Variants in PEDS1 observed in about 807,000 individuals in gnomAD.
PEDS1 encodes the protein CarF homolog.
In PEDS1, 14 loss-of-function variants were observed where a neutral mutation model predicts 35.2. The observed-to-expected ratio is 0.40, with a 90% CI of 0.26 to 0.62. The LOEUF (loss-of-function observed/expected upper bound fraction) is 0.62. Among genes scored for constraint, PEDS1 ranks in the 20% least tolerant of loss-of-function variants. The pLI is 0.44. For missense variants in PEDS1, 260 were observed against 367.8 expected, an observed-to-expected ratio of 0.71 and a Z score of 2.40; for synonymous variants, 152 against 152.0, an observed-to-expected ratio of 1.00 and a Z score of 0.00.
intron 1 of PEDS1, among the ~76,000 whole-genome samples, chr20:50,148,846 C>T (rs1475578958): frequency 6.6e-6 from 1 of 152,140 alleles, no homozygotes; most frequent in Non-Finnish European, 1.5e-5. Context: ...TGCCGCGGCT[C>T]ATGCCTGTAA....
Position 50,153,499 on chromosome 20 carries a change from G to C in PEDS1, c.121+18C>G, listed in dbSNP as rs1431498951. The C allele has an allele frequency of 1.5e-6, 2 of 1,351,504 alleles. No individual in the cohort carries two copies. Among genetic ancestry groups the C allele is most frequent in the Admixed American group, 6.5e-5 (2 of 30,840 alleles). The allele number at this position is 1,351,504 out of a possible 1,614,324, so 83.7% of individuals were successfully genotyped here. A position where few individuals can be genotyped will look rare whatever the true frequency, so the allele number is the denominator to read the frequency against. ...GGGCTGGTGACCGCAGGCCTGGAGG[G>C]GGGCCCAGAGGTCTTACCTGGCGAG... On this transcript the variant is annotated intron_variant, in intron 1 of 5. Coordinates refer to ENST00000371652, the MANE Select transcript of PEDS1 (RefSeq NM_199129.4).
chr20:50,127,680 G>A (rs2081123850), intron 5 of PEDS1, among the ~76,000 whole-genome samples: 1 of 152,146 alleles, frequency 6.6e-6, no homozygotes, highest in Non-Finnish European at 1.5e-5. Context: ...AGGAGCCTAC[G>A]CCCAAAGCAC....
At chr20:50,151,176 G>A in intron 1 of PEDS1, 2 of 1,193,486 alleles carry the variant, frequency 1.7e-6, no homozygotes, top group South Asian at 1.3e-5. Flanking sequence ...TGGAAAGGAA[G>A]TTGGAGAAAC....
Position 50,124,810 on chromosome 20 carries a change from G to C in PEDS1, c.*248C>G, listed in dbSNP as rs777046985. ...ACCTCCTCTCTACCAGGGGAGGCTG[G>C]CAGAGTCAGGCTTGCAGATAGAGCA... On this transcript the variant is annotated 3_prime_UTR_variant, in exon 6 of 6. Coordinates refer to ENST00000371652, the MANE Select transcript of PEDS1 (RefSeq NM_199129.4). The C allele has an allele frequency of 7.1e-6, 3 of 424,648 alleles. No individual in the cohort carries two copies. Among genetic ancestry groups the C allele is most frequent in the African/African-American group, 2.0e-5 (1 of 49,812 alleles). 26.3% of individuals were successfully genotyped at this position (424,648 alleles called of 1,614,324 possible).
intron 1 of PEDS1, among the ~76,000 whole-genome samples, chr20:50,145,000 C>T (rs1354715962): frequency 2.0e-5 from 3 of 151,516 alleles, no homozygotes; most frequent in African/African-American, 7.3e-5. Context: ...ACTAGGAGTT[C>T]GAGACCAGCC....
chr20:50,127,831 G>A, intron 5 of PEDS1, 144 bp downstream of exon 5: 1 of 1,164,958 alleles, frequency 8.6e-7, no homozygotes, highest in Non-Finnish European at 1.2e-6. Context: ...CACAGTAGGT[G>A]CTCAATAAAT....
Position 50,129,482 on chromosome 20 carries a change from C to T in PEDS1, c.478+64G>A. 1 of 1,604,898 alleles carries T rather than the reference C, an allele frequency of 6.2e-7. No homozygotes were observed. On this transcript the variant is annotated intron_variant, in intron 4 of 5. Transcript: ENST00000371652. The surrounding 1 kb of genome is among the most constrained non-coding windows in gnomAD (Gnocchi z 4.2). ...AGCCAAACACATAAGCCCCAGAAGG[C>T]TCCTGGGGGTCGGCCTCTGCCCCCA... is the stretch of plus-strand genomic sequence containing the variant.
chr20:50,118,826 A>G lies in PEDS1; in HGVS notation c.*6232T>C, dbSNP rs2081027595. On this transcript the variant is annotated 3_prime_UTR_variant, in exon 6 of 6. Transcript: ENST00000371652. The stretch of plus-strand genomic sequence containing the variant: ...TTTTTGGTAGAGACGGGGTTTCACT[A>G]TGTTGGCCAGGCTGGTCTTGAATTC... The G allele has an allele frequency of 6.6e-6, 1 of 151,962 alleles. No individual in the cohort carries two copies. The highest frequency in any genetic ancestry group is 1.5e-5 in the Non-Finnish European group (1 of 68,000). The allele number at this position is 151,962 out of a possible 1,614,324, so 9.4% of individuals were successfully genotyped here.
At chr20:50,149,626 TG>T (rs1230554688) in intron 1 of PEDS1, among the ~76,000 whole-genome samples, 3 of 152,150 alleles carry the variant, frequency 2.0e-5, no homozygotes, top group African/African-American at 7.2e-5. Context: ...AATCAGGCTG[TG>T]GCCGCCTCCC....
Position 50,119,055 on chromosome 20 carries a change from T to C in PEDS1, c.*6003A>G, listed in dbSNP as rs1433125021. 6.6e-6 allele frequency: 1 copy of C among 152,160 alleles called. No individual in the cohort carries two copies. Among genetic ancestry groups the C allele is most frequent in the African/African-American group, 2.4e-5 (1 of 41,436 alleles). The allele number at this position is 152,160 out of a possible 1,614,324, so 9.4% of individuals were successfully genotyped here. A position where few individuals can be genotyped will look rare whatever the true frequency, so the allele number is the denominator to read the frequency against. On this transcript the variant is annotated 3_prime_UTR_variant, in exon 6 of 6. Transcript: ENST00000371652. ...CAAAACATTTGATAACACGCTGTGT[T>C]GGCAAGGGTGTGAGGAAACAGGGAC...
At chr20:50,135,489 T>A (rs2081224503) in intron 2 of PEDS1, among the ~76,000 whole-genome samples, 1 of 151,600 alleles carries the variant, frequency 6.6e-6, no homozygotes, top group Non-Finnish European at 1.5e-5. Context: ...AGAAACCCTG[T>A]CTCTACTAAA....
At chr20:50,127,824 A>C in intron 5 of PEDS1, 151 bp downstream of exon 5, 1 of 1,106,040 alleles carries the variant, frequency 9.0e-7, no homozygotes, top group Non-Finnish European at 1.3e-6. Flanking sequence ...CCTGGCACAC[A>C]GTAGGTGCTC....
chr20:50,153,564 C>A lies in PEDS1; in HGVS notation c.74G>T (p.Gly25Val). Residue 25 changes from glycine (G) to valine (V), a missense_variant, in exon 1 of 6, where the codon GGC becomes GTC. Coordinates refer to ENST00000371652, the MANE Select transcript of PEDS1 (RefSeq NM_199129.4). ...CTCGCGGGCCCCGGCGTGCTGCGCG[C>A]CCCAGCGGCAACAAGACGCCTCGTC... ...DEDEASCCRW[G>V]AQHAGARELA... is the part of the protein sequence containing the mutation. 7.0e-7 allele frequency: 1 copy of A among 1,435,910 alleles called. No individual in the cohort carries two copies. The highest frequency in any genetic ancestry group is 1.4e-5 in the South Asian group (1 of 73,942). 88.9% of individuals were successfully genotyped at this position (1,435,910 alleles called of 1,614,324 possible).
At chr20:50,141,116 G>A (rs1470603016) in intron 2 of PEDS1, among the ~76,000 whole-genome samples, 4 of 152,166 alleles carry the variant, frequency 2.6e-5, no homozygotes, top group African/African-American at 7.2e-5. Context: ...CTTTACCCCC[G>A]TAGAGGCCTG....
At chr20:50,141,174 T>C (rs557346431) in intron 2 of PEDS1, among the ~76,000 whole-genome samples, 1 of 152,250 alleles carries the variant, frequency 6.6e-6, no homozygotes, top group South Asian at 2.1e-4. Flanking sequence ...CACGCCCTGG[T>C]GGGGAAGTCC....
At position 50,153,643 on chromosome 20, in the gene PEDS1, C is replaced by G; in HGVS notation, c.-6G>C. The stretch of plus-strand genomic sequence containing the variant: ...CAGTTCTCGGCGCCCGCCATGGCCA[C>G]TCGCCCGATCGGCCCGGTGCGCTCT... On this transcript the variant is annotated 5_prime_UTR_variant, in exon 1 of 6. Transcript: ENST00000371652. 1 of 1,246,784 alleles carries G rather than the reference C, an allele frequency of 8.0e-7. No homozygotes were observed. The highest frequency in any genetic ancestry group is 1.0e-6 in the Non-Finnish European group (1 of 994,192). 77.2% of individuals were successfully genotyped at this position (1,246,784 alleles called of 1,614,324 possible). A position where few individuals can be genotyped will look rare whatever the true frequency, so the allele number is the denominator to read the frequency against.
Position 50,128,253 on chromosome 20 carries a change from G to A in PEDS1, c.479-66C>T. On this transcript the variant is annotated intron_variant, in intron 4 of 5. Transcript: ENST00000371652. This position sits in a 1 kb window ranked among gnomAD's most constrained non-coding sequence, Gnocchi z 5.2. ...CGGGACGGGGAACCCACCCCAAATG[G>A]CCCTCACCACCTGCTCCTGGGCGGC... 6.3e-7 allele frequency: 1 copy of A among 1,585,382 alleles called. No individual in the cohort carries two copies. Among genetic ancestry groups the A allele is most frequent in the Non-Finnish European group, 8.6e-7 (1 of 1,164,704 alleles).
chr20:50,148,497 C>A (rs2081368867), intron 1 of PEDS1, among the ~76,000 whole-genome samples: 1 of 152,182 alleles, frequency 6.6e-6, no homozygotes, highest in South Asian at 2.1e-4. Flanking sequence ...AAAGCAGTAG[C>A]CACTTATTGG....
At chr20:50,125,901 T>C (rs569429208) in intron 5 of PEDS1, among the ~76,000 whole-genome samples, 4 of 152,220 alleles carry the variant, frequency 2.6e-5, no homozygotes, top group Admixed American at 2.0e-4. Flanking sequence ...CTATTTACAA[T>C]TTTTTTAATG....
Sources: allele counts gnomAD v4.1 joint callset (sites outside exome capture counted in the v4.1 genomes callset), GRCh38; gene constraint gnomAD v4.1.1; non-coding constraint Gnocchi (gnomAD v3.1); transcripts MANE v1.5; gene names NCBI Gene and HGNC (gene_info 2026-07-23, HGNC 2026-07-21).